Variants in ZNF385D observed in about 807,000 individuals in gnomAD.
ZNF385D encodes the protein zinc finger protein 385D, also known as zinc finger protein 659.
ZNF385D carries 15 observed loss-of-function variants against 35.8 expected under a neutral mutation model. The ratio of observed to expected loss-of-function variants is 0.42; its 90% CI spans 0.28 to 0.64. The LOEUF is 0.64. ZNF385D is among the 30% of genes least tolerant of loss of function. The pLI is 0.23. For synonymous variants in ZNF385D, 212 were observed against 186.8 expected (o/e 1.13, Z -1.10); for missense variants, 474 against 494.6 (o/e 0.96, Z 0.39).
At chr3:21,898,557 ATATAT>A (rs1451426515) in intron 3 of ZNF385D, among the ~76,000 whole-genome samples, 4 of 152,272 alleles carry the variant, frequency 2.6e-5, no homozygotes, top group Non-Finnish European at 5.9e-5. Flanking sequence ...AAGTAGATAG[ATATAT>A]TATAACTTCC....
intron 3 of ZNF385D, among the ~76,000 whole-genome samples, chr3:21,968,966 G>C (rs1703076694): frequency 6.6e-6 from 1 of 152,146 alleles, no homozygotes; most frequent in African/African-American, 2.4e-5. Flanking sequence ...TGCTGGACTT[G>C]GCTTGGGCCA....
intron 3 of ZNF385D, among the ~76,000 whole-genome samples, chr3:21,533,105 G>C (rs533547221): frequency 5.3e-5 from 8 of 152,296 alleles, no homozygotes; most frequent in African/African-American, 1.9e-4. Context: ...AGCCATCACA[G>C]GTCCCTGAAA....
chr3:22,050,621 G>C (rs9818120), intron 3 of ZNF385D, among the ~76,000 whole-genome samples: 33,232 of 152,024 alleles, frequency 0.22, 3,796 homozygotes, highest in South Asian at 0.35. Flanking sequence ...CTGACTAAAT[G>C]TAACTTTTGA....
intron 3 of ZNF385D, among the ~76,000 whole-genome samples, chr3:21,547,427 C>T (rs2062413473): frequency 6.6e-6 from 1 of 151,990 alleles, no homozygotes; most frequent in African/African-American, 2.4e-5. Context: ...TTCTTGCCTT[C>T]AGGACATCAA....
chr3:22,372,146 C>T (rs1230056746), intron 2 of ZNF385D, among the ~76,000 whole-genome samples: 3 of 152,126 alleles, frequency 2.0e-5, no homozygotes, highest in Non-Finnish European at 4.4e-5. Flanking sequence ...TCCCCTGCCC[C>T]TTGGTTCTCG....
intron 3 of ZNF385D, among the ~76,000 whole-genome samples, chr3:22,154,948 T>C (rs962689121): frequency 2.0e-5 from 3 of 152,128 alleles, no homozygotes; most frequent in African/African-American, 7.2e-5. Context: ...CTGAAAGAAA[T>C]TGATATACAA....
intron 1 of ZNF385D, among the ~76,000 whole-genome samples, chr3:21,680,055 T>C (rs1423432810): frequency 1.3e-5 from 2 of 152,136 alleles, no homozygotes; most frequent in Admixed American, 1.3e-4. Flanking sequence ...TTTAATATTA[T>C]TTATGGTCAG....
chr3:21,556,068 G>GTTTTTTTTTTTTT (rs148079775), intron 3 of ZNF385D, among the ~76,000 whole-genome samples: 9 of 99,052 alleles, frequency 9.1e-5, no homozygotes, highest in African/African-American at 1.6e-4. Flanking sequence ...TTTTGTTTTT[G>GTTTTTTTTTTTTT]TTTTTTTTTT....
intron 3 of ZNF385D, among the ~76,000 whole-genome samples, chr3:21,944,462 A>G (rs1374955034): frequency 6.6e-6 from 1 of 152,214 alleles, no homozygotes; most frequent in African/African-American, 2.4e-5. Flanking sequence ...ACTCCCAGTG[A>G]CTGGAGCCTG....
chr3:21,676,479 C>A (rs2066733629), intron 1 of ZNF385D, among the ~76,000 whole-genome samples: 1 of 151,868 alleles, frequency 6.6e-6, no homozygotes, highest in African/African-American at 2.4e-5. Context: ...ATTGTGGAAT[C>A]CCAAAAAGGA....
At chr3:21,810,971 C>CGTGTGTGT (rs139624741) in intron 3 of ZNF385D, among the ~76,000 whole-genome samples, 35 of 144,426 alleles carry the variant, frequency 2.4e-4, no homozygotes, top group African/African-American at 4.4e-4. Flanking sequence ...TGTGTGTATA[C>CGTGTGTGT]GTGTGTGTGT....
At chr3:21,794,743 G>GCTT (rs1214967277) in intron 3 of ZNF385D, among the ~76,000 whole-genome samples, 1 of 152,124 alleles carries the variant, frequency 6.6e-6, no homozygotes, top group African/African-American at 2.4e-5. Flanking sequence ...AGCTGCTGCT[G>GCTT]CTTACACACC....
intron 2 of ZNF385D, among the ~76,000 whole-genome samples, chr3:22,307,194 C>G (rs1395224819): frequency 1.3e-5 from 2 of 151,900 alleles, no homozygotes; most frequent in Non-Finnish European, 2.9e-5. Flanking sequence ...TCAGAAAAGC[C>G]CTGGTGGGGT....
At chr3:21,993,298 T>A (rs1211093683) in intron 3 of ZNF385D, among the ~76,000 whole-genome samples, 1 of 152,194 alleles carries the variant, frequency 6.6e-6, no homozygotes, top group East Asian at 1.9e-4. Flanking sequence ...CTATTTGGGA[T>A]GTTTCCTTGA....
intron 2 of ZNF385D, among the ~76,000 whole-genome samples, chr3:22,170,595 CTT>C (rs1308764459): frequency 6.6e-6 from 1 of 151,956 alleles, no homozygotes; most frequent in African/African-American, 2.4e-5. Flanking sequence ...CTCAGATAAC[CTT>C]GTTAAAATAA....
rs751739275 is a variant in ZNF385D at position 21,437,701 on chromosome 3, C to CAAAAAA, written c.440-504_440-499dup. Among the ~76,000 whole-genome samples, 631 of 77,148 alleles carry CAAAAAA rather than the reference C, an allele frequency of 8.2e-3. 42 individuals are homozygous for CAAAAAA. The highest frequency in any genetic ancestry group is 0.031 in the African/African-American group (595 of 19,038). 50.6% of individuals were successfully genotyped at this position (77,148 alleles called of 152,430 possible). A position where few individuals can be genotyped will look rare whatever the true frequency, so the allele number is the denominator to read the frequency against. Reference sequence around the variant, plus strand: ...ACAGATCCTTTTGCAAATGCTTATACAAAAAAAAAAAAAAAAAACCGGAAC... The same window carrying CAAAAAA: ...ACAGATCCTTTTGCAAATGCTTATACAAAAAAAAAAAAAAAAAAAAAAAACCGGAAC... On this transcript the variant is annotated intron_variant, in intron 4 of 7. Coordinates refer to ENST00000281523, the MANE Select transcript of ZNF385D (RefSeq NM_024697.3).
At chr3:21,983,164 A>AT (rs1323374544) in intron 3 of ZNF385D, among the ~76,000 whole-genome samples, 58 of 62,460 alleles carry the variant, frequency 9.3e-4, no homozygotes, top group South Asian at 4.8e-3. Flanking sequence ...ATTTTATTTT[A>AT]TTATTTTTTT....
At chr3:21,743,916 C>A (rs1400814218) in intron 1 of ZNF385D, among the ~76,000 whole-genome samples, 1 of 152,184 alleles carries the variant, frequency 6.6e-6, no homozygotes, top group Non-Finnish European at 1.5e-5. Flanking sequence ...TTCACAAAGT[C>A]AAGTCAAAAC....
Position 21,986,103 on chromosome 3 carries a change from C to A in ZNF385D, c.325+182714G>T, listed in dbSNP as rs1402241578. ...CTAGCAGTCTATCAATTTTGTTGATCCTTTCAAAAAACCAGCTCCTGGATT... is the reference window on the plus strand; with the variant it reads ...CTAGCAGTCTATCAATTTTGTTGATACTTTCAAAAAACCAGCTCCTGGATT... On this transcript the variant is annotated intron_variant, in intron 3 of 5. Coordinates refer to the ZNF385D transcript ENST00000494108. Among the ~76,000 whole-genome samples, 5 of 94,436 alleles carry A rather than the reference C, an allele frequency of 5.3e-5. 1 individual carries two copies. The highest frequency in any genetic ancestry group is 9.6e-5 in the Non-Finnish European group (5 of 52,344). The allele number at this position is 94,436 out of a possible 152,430, so 62.0% of individuals were successfully genotyped here. A position where few individuals can be genotyped will look rare whatever the true frequency, so the allele number is the denominator to read the frequency against.
Sources: gnomAD v4.1 joint callset for allele counts (sites outside exome capture counted in the v4.1 genomes callset) on GRCh38, gnomAD v4.1.1 for gene constraint, MANE v1.5 for transcripts, NCBI Gene and HGNC (gene_info 2026-07-23, HGNC 2026-07-21) for gene names.